XPNPEP3: variants seen among roughly 807,000 people sequenced by gnomAD.
XPNPEP3 encodes xaa-Pro aminopeptidase 3.
Under a neutral mutation model 60.0 loss-of-function variants are expected in XPNPEP3, and 41 were observed. The ratio of observed to expected loss-of-function variants is 0.68; its 90% CI spans 0.53 to 0.89. The LOEUF is 0.89. Ranked by LOEUF, XPNPEP3 falls within the 40% of genes least tolerant of loss-of-function variation. The probability of loss-of-function intolerance (pLI) is 0.00; values close to 1 mark genes in which losing one functional copy is unlikely to be tolerated. For missense variants in XPNPEP3, 598 were observed against 638.9 expected, an observed-to-expected ratio of 0.94 and a Z score of 0.69; for synonymous variants, 212 against 223.2, an observed-to-expected ratio of 0.95 and a Z score of 0.45.
At chr22:40,911,259 TTAA>T (rs1277013131) in intron 6 of XPNPEP3, among the ~76,000 whole-genome samples, 3 of 152,104 alleles carry the variant, frequency 2.0e-5, no homozygotes, top group Non-Finnish European at 4.4e-5. Context: ...TCATTTCAAC[TTAA>T]TAATACTTAG....
At chr22:40,866,993 C>T (rs1337918571) in intron 1 of XPNPEP3, among the ~76,000 whole-genome samples, 9 of 152,218 alleles carry the variant, frequency 5.9e-5, no homozygotes, top group East Asian at 1.9e-4. Context: ...TACGTGTGCA[C>T]GAGCGTGCAT....
chr22:40,914,195 T>C (rs746026198), intron 6 of XPNPEP3, 44 bp from the exon 7 acceptor site: 4 of 1,492,472 alleles, frequency 2.7e-6, no homozygotes, highest in South Asian at 2.3e-5. Context: ...AAACAACTTA[T>C]AATCATGAGC....
At chr22:40,919,556 G>C (rs1039246658) in intron 7 of XPNPEP3, among the ~76,000 whole-genome samples, 1 of 152,142 alleles carries the variant, frequency 6.6e-6, no homozygotes, top group African/African-American at 2.4e-5. Context: ...GTAGAGACAC[G>C]GTTTCGCTAT....
At position 40,861,960 on chromosome 22, in the gene XPNPEP3, C is replaced by T. The variant is rs1487989123; in HGVS notation, c.64+4715C>T. ...TTTAATGTCCTCAGGTGAAGCATAT[C>T]TTTGCAGTCCTAGAACTTCATAGTA... On this transcript the variant is annotated intron_variant, in intron 1 of 9. Transcript: ENST00000357137. The T allele has an allele frequency of 6.2e-7, 1 of 1,608,760 alleles. No individual in the cohort carries two copies. Among genetic ancestry groups the T allele is most frequent in the African/African-American group, 1.3e-5 (1 of 74,448 alleles).
intron 4 of XPNPEP3, among the ~76,000 whole-genome samples, chr22:40,893,505 CAAAAAAAA>C (rs764114832): frequency 9.9e-5 from 4 of 40,254 alleles, no homozygotes; most frequent in African/African-American, 3.4e-4. Context: ...AACTCTATCT[CAAAAAAAA>C]AAAAAAAAAA....
rs2058236099 is a variant in XPNPEP3 at position 40,926,818 on chromosome 22, C to G, written c.*383C>G. 1 of 308,998 alleles carries G rather than the reference C, an allele frequency of 3.2e-6. No individual in the cohort carries two copies. Among genetic ancestry groups the G allele is most frequent in the African/African-American group, 2.2e-5 (1 of 45,560 alleles). 19.1% of individuals were successfully genotyped at this position (308,998 alleles called of 1,614,324 possible). A position where few individuals can be genotyped will look rare whatever the true frequency, so the allele number is the denominator to read the frequency against. ...TCCCTTTCTATACTTTTGCTGAGAT[C>G]AACCCAATATCATAAGAAGTTTGTG... On this transcript the variant is annotated 3_prime_UTR_variant, in exon 10 of 10. Coordinates refer to ENST00000357137, the MANE Select transcript of XPNPEP3 (RefSeq NM_022098.4).
chr22:40,869,123 C>G lies in XPNPEP3; in HGVS notation c.181+8C>G, dbSNP rs771662343. ...CACACCTCCTCAGACCAGGTAAGGC[C>G]TTTTAACTGTGCTATCTCCCCATTT... is the stretch of plus-strand genomic sequence containing the variant. On this transcript the variant is annotated splice_region_variant and intron_variant, in intron 2 of 9. Coordinates refer to ENST00000357137, the MANE Select transcript of XPNPEP3 (RefSeq NM_022098.4). 1.1e-5 allele frequency: 18 copies of G among 1,607,588 alleles called. No homozygotes were observed. The South Asian group carries it at 1.9e-4, about 17-fold the overall frequency.
At chr22:40,877,944 C>T (rs1302691551) in intron 2 of XPNPEP3, among the ~76,000 whole-genome samples, 4 of 152,040 alleles carry the variant, frequency 2.6e-5, no homozygotes, top group Non-Finnish European at 5.9e-5. Flanking sequence ...CAGTGGCTCA[C>T]GCCTGTAATC....
rs1760229595 is a variant in XPNPEP3 at position 40,914,240 on chromosome 22, A to G, written c.971A>G (p.Asp324Gly). Residue 324 changes from aspartate (D) to glycine (G), a missense_variant and splice_region_variant, in exon 7 of 10, where the codon GAT becomes GGT. Transcript: ENST00000357137. ...TTAACCTGTCTTACTTTGTTCCAGG[A>G]TGGGGAAATGGTGCTTCTGGATGGA... is the stretch of plus-strand genomic sequence containing the variant. ...HYVKNNQLIKDGEMVLLDGGC... is the reference protein window; with the variant it reads ...HYVKNNQLIKGGEMVLLDGGC... 1 of 1,613,356 alleles carries G rather than the reference A, an allele frequency of 6.2e-7. No individual in the cohort carries two copies.
At chr22:40,911,279 A>G (rs898024492) in intron 6 of XPNPEP3, among the ~76,000 whole-genome samples, 1 of 152,016 alleles carries the variant, frequency 6.6e-6, no homozygotes, top group African/African-American at 2.4e-5. Flanking sequence ...TTAGTTTAGG[A>G]TATTCAGATC....
At chr22:40,889,009 TTTTTTTTTTG>T (rs953000540) in intron 4 of XPNPEP3, among the ~76,000 whole-genome samples, 1 of 148,806 alleles carries the variant, frequency 6.7e-6, no homozygotes, top group Admixed American at 6.8e-5. Context: ...TTCCTAATGG[TTTTTTTTTTG>T]TTTTGTTTTG....
intron 1 of XPNPEP3, among the ~76,000 whole-genome samples, chr22:40,868,124 G>T (rs560399799): frequency 1.3e-5 from 2 of 152,238 alleles, no homozygotes; most frequent in East Asian, 3.9e-4. Context: ...CATGTGCAAA[G>T]AATTTTTTAA....
chr22:40,901,996 A>G (rs2058135253), intron 4 of XPNPEP3, among the ~76,000 whole-genome samples: 1 of 151,470 alleles, frequency 6.6e-6, no homozygotes, highest in Admixed American at 6.6e-5. Context: ...TGGTTAATTT[A>G]TATGATGTGA....
intron 1 of XPNPEP3, chr22:40,861,107 C>G: frequency 1.2e-6 from 2 of 1,610,864 alleles, no homozygotes; most frequent in Middle Eastern, 1.7e-4. Flanking sequence ...CCTCTTTACG[C>G]TTCTTTTTTT....
Position 40,882,100 on chromosome 22 carries a change from A to G in XPNPEP3, c.512A>G (p.Asp171Gly). The G allele has an allele frequency of 6.2e-7, 1 of 1,614,154 alleles. No individual in the cohort carries two copies. Among genetic ancestry groups the G allele is most frequent in the Non-Finnish European group, 8.5e-7 (1 of 1,180,008 alleles). ...ELWDGPRSGTDGAIALTGVDE... is the reference protein window; with the variant it reads ...ELWDGPRSGTGGAIALTGVDE... ...TGGGATGGTCCGCGATCTGGCACTG[A>G]TGGAGCAATAGCTCTAACTGGAGTA... The change falls in exon 3 of 10, where the codon GAT becomes GGT. Residue 171 changes from aspartate (D) to glycine (G), a missense_variant. Transcript: ENST00000357137.
intron 6 of XPNPEP3, among the ~76,000 whole-genome samples, chr22:40,909,985 T>C (rs2058171282): frequency 6.6e-6 from 1 of 151,970 alleles, no homozygotes; most frequent in Non-Finnish European, 1.5e-5. Flanking sequence ...TGAGGGAACA[T>C]ATCTTCTATG....
chr22:40,913,741 G>A (rs1247994784), intron 6 of XPNPEP3, among the ~76,000 whole-genome samples: 1 of 152,108 alleles, frequency 6.6e-6, no homozygotes, highest in Non-Finnish European at 1.5e-5. Context: ...CATCTGAAAA[G>A]ATTTGTTTTG....
At chr22:40,906,394 C>G (rs2058155633) in intron 4 of XPNPEP3, among the ~76,000 whole-genome samples, 1 of 149,100 alleles carries the variant, frequency 6.7e-6, no homozygotes, top group African/African-American at 2.5e-5. Context: ...GCACTCCAGC[C>G]TGTGGGATGG....
intron 2 of XPNPEP3, among the ~76,000 whole-genome samples, chr22:40,877,978 C>T (rs920431716): frequency 3.9e-5 from 6 of 151,900 alleles, no homozygotes; most frequent in African/African-American, 1.2e-4. Flanking sequence ...AGGCCGAGGC[C>T]GGTGGATCAC....
Sources: allele counts gnomAD v4.1 joint callset (sites outside exome capture counted in the v4.1 genomes callset), GRCh38; gene constraint gnomAD v4.1.1; transcripts MANE v1.5; gene names NCBI Gene and HGNC (gene_info 2026-07-23, HGNC 2026-07-21).